EPB41L1: variants seen among roughly 807,000 people sequenced by gnomAD.
EPB41L1 encodes erythrocyte membrane protein band 4.1 like 1, also known as band 4.1-like protein 1.
In EPB41L1, 29 loss-of-function variants were observed where a neutral mutation model predicts 97.8. That is an observed-to-expected ratio of 0.30 (90% CI 0.22 to 0.40). The LOEUF (loss-of-function observed/expected upper bound fraction) is 0.40, where lower values mean the gene tolerates loss of function less well. Ranked by LOEUF, EPB41L1 falls within the 10% of genes least tolerant of loss-of-function variation. The probability of loss-of-function intolerance (pLI) is 1.00; values close to 1 mark genes in which losing one functional copy is unlikely to be tolerated. For missense variants in EPB41L1, 812 were observed against 1,162.3 expected, an observed-to-expected ratio of 0.70 and a Z score of 4.38; for synonymous variants, 383 against 459.2, an observed-to-expected ratio of 0.83 and a Z score of 2.12.
At chr20:36,137,136 T>C (rs1440356353) in intron 2 of EPB41L1, among the ~76,000 whole-genome samples, 1 of 149,316 alleles carries the variant, frequency 6.7e-6, no homozygotes, top group Non-Finnish European at 1.5e-5. Flanking sequence ...GTGCAGTGGC[T>C]CAATCTCGGT....
chr20:36,165,050 G>A (rs2060683649), intron 1 of EPB41L1, among the ~76,000 whole-genome samples: 1 of 151,664 alleles, frequency 6.6e-6, no homozygotes, highest in African/African-American at 2.4e-5. Flanking sequence ...GGTGCGATCT[G>A]AGCTCACTAC....
chr20:36,140,236 T>G (rs1159103297), intron 2 of EPB41L1, among the ~76,000 whole-genome samples: 6 of 150,680 alleles, frequency 4.0e-5, no homozygotes, highest in African/African-American at 9.7e-5. Context: ...TGTATGTTTT[T>G]TTTTTTTTTT....
rs541325091 is a variant in EPB41L1 at position 36,206,693 on chromosome 20, C to T, written c.1669-2795C>T. 1.8e-5 allele frequency: 23 copies of T among 1,289,884 alleles called. No homozygotes were observed. Among genetic ancestry groups the T allele is most frequent in the South Asian group, 6.2e-5 (5 of 81,020 alleles). The allele number at this position is 1,289,884 out of a possible 1,614,324, so 79.9% of individuals were successfully genotyped here. A position where few individuals can be genotyped will look rare whatever the true frequency, so the allele number is the denominator to read the frequency against. ...GGGACCCCCAAGAACCATGGAGGACCTGGTGACCTGAAGGGATCTCCCGCA... is the reference window on the plus strand; with the variant it reads ...GGGACCCCCAAGAACCATGGAGGACTTGGTGACCTGAAGGGATCTCCCGCA... On this transcript the variant is annotated intron_variant, in intron 14 of 21. Coordinates refer to ENST00000338074, the MANE Select transcript of EPB41L1 (RefSeq NM_012156.2). This position sits in a 1 kb window ranked among gnomAD's most constrained non-coding sequence, Gnocchi z 5.5.
At chr20:36,167,864 G>T (rs983958257) in intron 1 of EPB41L1, among the ~76,000 whole-genome samples, 1 of 152,072 alleles carries the variant, frequency 6.6e-6, no homozygotes, top group Admixed American at 6.5e-5. Context: ...GCAGGCTGGG[G>T]CAGCCCCTGG....
intron 2 of EPB41L1, among the ~76,000 whole-genome samples, chr20:36,143,326 G>A (rs1339751815): frequency 6.6e-6 from 1 of 152,018 alleles, no homozygotes; most frequent in Non-Finnish European, 1.5e-5. Context: ...GGGGGTAGCA[G>A]TATTTTTCAG....
chr20:36,121,212 C>T (rs1315811504), intron 2 of EPB41L1, among the ~76,000 whole-genome samples: 1 of 152,076 alleles, frequency 6.6e-6, no homozygotes, highest in Non-Finnish European at 1.5e-5. Context: ...TTTGACTTCT[C>T]ACAAAAATGT....
intron 2 of EPB41L1, among the ~76,000 whole-genome samples, chr20:36,117,646 C>T (rs2058627318): frequency 7.2e-6 from 1 of 138,332 alleles, no homozygotes; most frequent in South Asian, 2.2e-4. Context: ...AGGTAAGTAA[C>T]TTCTCCAAGG....
Position 36,194,368 on chromosome 20 carries a change from C to G in EPB41L1, c.1449+8C>G, listed in dbSNP as rs560369107. ...AAGATCAAGGAGCTAAAGGTAGGAG[C>G]CTGGCTTTCTCATACTCTCTGCCCT... On this transcript the variant is annotated splice_region_variant and intron_variant, in intron 12 of 21. Coordinates refer to ENST00000338074, the MANE Select transcript of EPB41L1 (RefSeq NM_012156.2). The G allele has an allele frequency of 6.9e-6, 11 of 1,601,698 alleles. No homozygotes were observed. In the East Asian group the frequency reaches 2.3e-4, roughly 33 times the overall value.
chr20:36,229,286 C>A (rs1367728734), intron 21 of EPB41L1, 46 bp from the exon 22 acceptor site: 6 of 1,193,640 alleles, frequency 5.0e-6, no homozygotes, highest in East Asian at 2.7e-5. Flanking sequence ...CCTTCCTTTC[C>A]CCCCACTCCC....
intron 15 of EPB41L1, among the ~76,000 whole-genome samples, chr20:36,211,398 CA>C (rs1457144347): frequency 6.6e-6 from 1 of 151,748 alleles, no homozygotes; most frequent in Non-Finnish European, 1.5e-5. Context: ...AAAACAAAAA[CA>C]AAAACAAAAC....
chr20:36,202,673 C>T (rs892640755), intron 14 of EPB41L1, among the ~76,000 whole-genome samples: 7 of 151,238 alleles, frequency 4.6e-5, no homozygotes, highest in East Asian at 3.9e-4. Flanking sequence ...ATAAGCTGGG[C>T]GTGGTGGCGC....
At chr20:36,138,974 G>A (rs1320782512) in intron 2 of EPB41L1, among the ~76,000 whole-genome samples, 1 of 152,144 alleles carries the variant, frequency 6.6e-6, no homozygotes. Context: ...AAGAAGTTTT[G>A]TGAGTTGGAA....
At chr20:36,141,542 AG>A (rs71184089) in intron 2 of EPB41L1, among the ~76,000 whole-genome samples, 3 of 152,180 alleles carry the variant, frequency 2.0e-5, no homozygotes, top group Admixed American at 6.5e-5. Flanking sequence ...AGGCAGCCCA[AG>A]GGGGGCTGTG....
At chr20:36,119,674 A>C in intron 2 of EPB41L1, among the ~76,000 whole-genome samples, 1 of 107,864 alleles carries the variant, frequency 9.3e-6, no homozygotes, top group East Asian at 2.9e-4. Flanking sequence ...GAGGAGGGGA[A>C]GGGAGGGGAA....
chr20:36,194,138 G>A (rs996379143), intron 11 of EPB41L1, 74 bp from the exon 12 acceptor site: 18 of 1,602,516 alleles, frequency 1.1e-5, no homozygotes, highest in Non-Finnish European at 1.4e-5. Context: ...TGGTTGGGCA[G>A]GGCTGGGCTG....
intron 2 of EPB41L1, among the ~76,000 whole-genome samples, chr20:36,130,003 G>A (rs1161231719): frequency 2.0e-5 from 3 of 150,172 alleles, no homozygotes; most frequent in South Asian, 2.1e-4. Context: ...GTGCAGTGGC[G>A]TGATCTCAGC....
intron 8 of EPB41L1, 44 bp from the exon 9 acceptor site, chr20:36,188,303 G>A (rs1482263144): frequency 1.2e-6 from 2 of 1,611,476 alleles, no homozygotes; most frequent in Non-Finnish European, 1.7e-6. Context: ...CTGTCCCCAG[G>A]CATGGACCCC....
chr20:36,175,533 C>T lies in EPB41L1; in HGVS notation c.178-18C>T. ...TTAAAACTCACTGAGCAAACTATTC[C>T]CTTGCTTGGTCCTGCAGAGCCTAGA... is the stretch of plus-strand genomic sequence containing the variant. On this transcript the variant is annotated intron_variant, in intron 2 of 21. Transcript: ENST00000338074. The T allele has an allele frequency of 6.2e-7, 1 of 1,614,146 alleles. No individual in the cohort carries two copies. Among genetic ancestry groups the T allele is most frequent in the East Asian group, 2.2e-5 (1 of 44,886 alleles).
At chr20:36,186,081 G>T (rs2061672832) in intron 7 of EPB41L1, among the ~76,000 whole-genome samples, 1 of 152,218 alleles carries the variant, frequency 6.6e-6, no homozygotes, top group Non-Finnish European at 1.5e-5. Context: ...TGGGGCAGGA[G>T]AATTCATTGT....
Sources: allele counts gnomAD v4.1 joint callset (sites outside exome capture counted in the v4.1 genomes callset), GRCh38; gene constraint gnomAD v4.1.1; non-coding constraint Gnocchi (gnomAD v3.1); transcripts MANE v1.5; gene names NCBI Gene and HGNC (gene_info 2026-07-23, HGNC 2026-07-21).